The following FGFRL1 variants were observed in gnomAD, a reference collection of about 807,000 sequenced individuals.
FGFRL1 encodes fibroblast growth factor receptor like 1.
A neutral mutation model predicts 36.8 loss-of-function variants in FGFRL1; 24 were observed. The ratio of observed to expected loss-of-function variants is 0.65; its 90% CI spans 0.47 to 0.92. The LOEUF is 0.92. FGFRL1 is among the 40% of genes least tolerant of loss of function. The pLI is 0.00. For missense variants in FGFRL1, 785 were observed against 753.4 expected, an observed-to-expected ratio of 1.04 and a Z score of -0.49; for synonymous variants, 422 against 344.1, an observed-to-expected ratio of 1.23 and a Z score of -2.50.
At chr4:1,018,219 C>G (rs892793744) in intron 2 of FGFRL1, among the ~76,000 whole-genome samples, 1 of 152,134 alleles carries the variant, frequency 6.6e-6, no homozygotes, top group African/African-American at 2.4e-5. Flanking sequence ...TCCCTGGGCC[C>G]TGGGAAAGAG....
At position 1,012,473 on chromosome 4, in the gene FGFRL1, C is replaced by G. The variant is rs778383576; in HGVS notation, c.-13C>G. 1 of 1,576,152 alleles carries G rather than the reference C, an allele frequency of 6.3e-7. No homozygotes were observed. Among genetic ancestry groups the G allele is most frequent in the South Asian group, 1.1e-5 (1 of 87,994 alleles). Reference sequence around the variant, plus strand: ...ACGGCGCCCCCAATGTCCCCAGGTCCGGACAGGCCGAGATGACGCCGAGCC... The same window carrying G: ...ACGGCGCCCCCAATGTCCCCAGGTCGGGACAGGCCGAGATGACGCCGAGCC... On this transcript the variant is annotated 5_prime_UTR_variant, in exon 2 of 7. Transcript: ENST00000510644.
intron 2 of FGFRL1, among the ~76,000 whole-genome samples, chr4:1,017,715 G>A (rs1056060932): frequency 3.3e-5 from 5 of 152,206 alleles, no homozygotes; most frequent in Non-Finnish European, 5.9e-5. Context: ...GACGCTGCAC[G>A]TGTGTCCCTG....
chr4:1,011,167 A>G (rs1167008931), upstream of FGFRL1: 1 of 152,108 alleles, frequency 6.6e-6, no homozygotes, highest in Non-Finnish European at 1.5e-5. Flanking sequence ...CTGAGCAACC[A>G]GAGAGCGGTC....
In FGFRL1 at chr4:1,014,514, C is replaced by T. The variant is rs140402760; in HGVS notation, c.79+1950C>T. Among the ~76,000 whole-genome samples the T allele has an allele frequency of 9.4e-3, 1,438 of 152,324 alleles. 10 individuals carry two copies. Among genetic ancestry groups the T allele is most frequent in the Non-Finnish European group, 0.015 (1,032 of 68,020 alleles). ...CCTGTCCTCTGCACCCGGCCAGCTGCGGTGGGCAAGCTGAGCCCTGACCCA... is the reference window on the plus strand; with the variant it reads ...CCTGTCCTCTGCACCCGGCCAGCTGTGGTGGGCAAGCTGAGCCCTGACCCA... On this transcript the variant is annotated intron_variant, in intron 2 of 6. Coordinates refer to ENST00000510644, the MANE Select transcript of FGFRL1 (RefSeq NM_001004356.3).
Position 1,026,538 on chromosome 4 carries a change from G to A in FGFRL1, c.*1191G>A. The stretch of plus-strand genomic sequence containing the variant: ...CAGGAGTCCCCTACTGCTGTGGGCT[G>A]GGGTTGGGGGCACAGCAGCCCCAAG... On this transcript the variant is annotated 3_prime_UTR_variant, in exon 7 of 7. Transcript: ENST00000510644. 5.1e-6 allele frequency: 1 copy of A among 197,822 alleles called. No individual in the cohort carries two copies. The highest frequency in any genetic ancestry group is 7.5e-5 in the South Asian group (1 of 13,312). 12.3% of individuals were successfully genotyped at this position (197,822 alleles called of 1,614,324 possible). A position where few individuals can be genotyped will look rare whatever the true frequency, so the allele number is the denominator to read the frequency against.
At chr4:1,022,678 G>T (rs1161270726) in intron 3 of FGFRL1, among the ~76,000 whole-genome samples, 1 of 152,230 alleles carries the variant, frequency 6.6e-6, no homozygotes, top group African/African-American at 2.4e-5. Context: ...GTCCCCGTCA[G>T]GCTCCAGCCT....
At position 1,025,636 on chromosome 4, in the gene FGFRL1, A is replaced by G. The variant is rs1716479581; in HGVS notation, c.*289A>G. 1.9e-6 allele frequency: 1 copy of G among 527,788 alleles called. No homozygotes were observed. The highest frequency in any genetic ancestry group is 3.4e-6 in the Non-Finnish European group (1 of 295,660). 32.7% of individuals were successfully genotyped at this position (527,788 alleles called of 1,614,324 possible). On this transcript the variant is annotated 3_prime_UTR_variant, in exon 7 of 7. Transcript: ENST00000510644. The stretch of plus-strand genomic sequence containing the variant: ...CCTGGGCACACAGATAAGCTGCCCA[A>G]ATGCACGCACACGCACAGAGACATG...
Position 1,024,963 on chromosome 4 carries a change from G to T in FGFRL1, c.1131G>T (p.Trp377Cys). 1 of 1,608,766 alleles carries T rather than the reference G, an allele frequency of 6.2e-7. No homozygotes were observed. ...CGTCCTCGGCCACTAGCCTGCCGTG[G>T]CCCGTGGTCATCGGCATCCCAGCCG... is the stretch of plus-strand genomic sequence containing the variant. ...ASSSSATSLP[W>C]PVVIGIPAGA... Residue 377 changes from tryptophan (W) to cysteine (C), a missense_variant, in exon 7 of 7, where the codon TGG becomes TGT. Transcript: ENST00000510644.
Position 1,025,883 on chromosome 4 carries a change from G to T in FGFRL1, c.*536G>T, listed in dbSNP as rs199852820. Reference sequence around the variant, plus strand: ...ATTGCCTGGACACACACACACACACGTGTGCACAGATATGCTGTCTGGACA... The same window carrying T: ...ATTGCCTGGACACACACACACACACTTGTGCACAGATATGCTGTCTGGACA... On this transcript the variant is annotated 3_prime_UTR_variant, in exon 7 of 7. Coordinates refer to ENST00000510644, the MANE Select transcript of FGFRL1 (RefSeq NM_001004356.3). The T allele has an allele frequency of 3.1e-5, 5 of 160,706 alleles. No individual in the cohort carries two copies. The highest frequency in any genetic ancestry group is 5.2e-5 in the Non-Finnish European group (4 of 76,984). 10.0% of individuals were successfully genotyped at this position (160,706 alleles called of 1,614,324 possible).
rs1437776214 is a variant in FGFRL1 at position 1,025,041 on chromosome 4, G to A, written c.1209G>A (p.Lys403=). The A allele has an allele frequency of 1.2e-6, 2 of 1,610,798 alleles. No homozygotes were observed. The highest frequency in any genetic ancestry group is 1.1e-5 in the South Asian group (1 of 91,040). The change falls in exon 7 of 7, where the codon AAG becomes AAA. Residue 403 remains lysine, a synonymous_variant. Transcript: ENST00000510644. ...TCCTGTGGCTTTGCCAGGCCCAGAA[G>A]AAGCCGTGCACCCCCGCGCCTGCCC... ...TLLLWLCQAQ[K]KPCTPAPAPP...
rs1418347826 is a variant in FGFRL1, at chr4:1,023,486, G to C, written c.353-155G>C. ...AGCGGCCCTTGCCCAGCTGTCCCTGGGATTCTGGGCTGTGGGTGTGTGGCG... is the reference window on the plus strand; with the variant it reads ...AGCGGCCCTTGCCCAGCTGTCCCTGCGATTCTGGGCTGTGGGTGTGTGGCG... On this transcript the variant is annotated intron_variant, in intron 3 of 6. Coordinates refer to ENST00000510644, the MANE Select transcript of FGFRL1 (RefSeq NM_001004356.3). This position sits in a 1 kb window ranked among gnomAD's most constrained non-coding sequence, Gnocchi z 6.0. Among the ~76,000 whole-genome samples, 1 of 152,172 alleles carries C rather than the reference G, an allele frequency of 6.6e-6. No homozygotes were observed. Among genetic ancestry groups the C allele is most frequent in the East Asian group, 1.9e-4 (1 of 5,176 alleles).
chr4:1,014,926 C>T (rs184316949), intron 2 of FGFRL1, among the ~76,000 whole-genome samples: 1 of 152,242 alleles, frequency 6.6e-6, no homozygotes, highest in Non-Finnish European at 1.5e-5. Flanking sequence ...GAAACGCCGA[C>T]CGCAGACTCC....
rs1715663031 is a variant in FGFRL1 at position 1,012,675 on chromosome 4, C to A, written c.79+111C>A. 6.8e-6 allele frequency: 3 copies of A among 443,198 alleles called. No homozygotes were observed. In the Admixed American group the frequency reaches 1.4e-4, roughly 20 times the overall value. The allele number at this position is 443,198 out of a possible 1,614,324, so 27.5% of individuals were successfully genotyped here. The stretch of plus-strand genomic sequence containing the variant: ...CGCCTGGCACGCGCCATGCCCCGCC[C>A]CTGCCGCCCCGCTCGCCAGGCCCCC... On this transcript the variant is annotated intron_variant, in intron 2 of 6. Coordinates refer to ENST00000510644, the MANE Select transcript of FGFRL1 (RefSeq NM_001004356.3).
At chr4:1,021,540 G>T (rs1210885522) in intron 2 of FGFRL1, among the ~76,000 whole-genome samples, 1 of 152,164 alleles carries the variant, frequency 6.6e-6, no homozygotes, top group African/African-American at 2.4e-5. Flanking sequence ...GGCATCTGTG[G>T]TCCCTGAACT....
Position 1,012,456 on chromosome 4 carries a change from C to T in FGFRL1, c.-16-14C>T, listed in dbSNP as rs1388510998. The T allele has an allele frequency of 5.1e-6, 8 of 1,575,586 alleles. No individual in the cohort carries two copies. Among genetic ancestry groups the T allele is most frequent in the Non-Finnish European group, 6.9e-6 (8 of 1,165,192 alleles). ...AGTTCCACGTGTTAGTGACGGCGCC[C>T]CCAATGTCCCCAGGTCCGGACAGGC... On this transcript the variant is annotated splice_polypyrimidine_tract_variant and intron_variant, in intron 1 of 6. Coordinates refer to ENST00000510644, the MANE Select transcript of FGFRL1 (RefSeq NM_001004356.3).
rs1202529478 is a variant in FGFRL1 at position 1,026,035 on chromosome 4, G to GAC, written c.*697_*698dup. 3.5e-5 allele frequency: 5 copies of GAC among 141,538 alleles called. No homozygotes were observed. The Middle Eastern group carries it at 0.016, about 457-fold the overall frequency. The allele number at this position is 141,538 out of a possible 1,614,324, so 8.8% of individuals were successfully genotyped here. ...CACACACACGCAGACATGCTGTCCG[G>GAC]ACACACACACGCATGCACAGATATG... is the stretch of plus-strand genomic sequence containing the variant. On this transcript the variant is annotated 3_prime_UTR_variant, in exon 7 of 7. Transcript: ENST00000510644.
chr4:1,016,423 G>C (rs1355355196), intron 2 of FGFRL1, among the ~76,000 whole-genome samples: 1 of 152,136 alleles, frequency 6.6e-6, no homozygotes, highest in Non-Finnish European at 1.5e-5. Flanking sequence ...AGGAATCTTT[G>C]CCTGTTTTAG....
At chr4:1,012,362 A>T in intron 1 of FGFRL1, 108 bp from the exon 2 acceptor site, 1 of 1,279,870 alleles carries the variant, frequency 7.8e-7, no homozygotes, top group Non-Finnish European at 1.1e-6. Flanking sequence ...GCGGGCGGGG[A>T]GGGCCTGTGG....
chr4:1,021,633 G>A (rs1345925787), intron 2 of FGFRL1, among the ~76,000 whole-genome samples: 3 of 152,154 alleles, frequency 2.0e-5, no homozygotes, highest in Non-Finnish European at 2.9e-5. Context: ...CGCCGTGCTC[G>A]GTTGCTTGTG....
Sources: gnomAD v4.1 joint callset for allele counts (sites outside exome capture counted in the v4.1 genomes callset) on GRCh38, gnomAD v4.1.1 for gene constraint, Gnocchi (gnomAD v3.1) non-coding constraint, MANE v1.5 for transcripts, NCBI Gene and HGNC (gene_info 2026-07-23, HGNC 2026-07-21) for gene names.